Variants in CNTNAP5 observed in about 807,000 individuals in gnomAD.
The protein encoded by CNTNAP5 is contactin-associated protein-like 5.
In CNTNAP5, 72 loss-of-function variants were observed where a neutral mutation model predicts 150.2. The observed-to-expected ratio is 0.48, with a 90% CI of 0.40 to 0.58. The LOEUF is 0.58. Ranked by LOEUF, CNTNAP5 falls within the 20% of genes least tolerant of loss-of-function variation. CNTNAP5 has a pLI of 0.00. For missense variants in CNTNAP5, 1,636 were observed against 1,626.2 expected (o/e 1.01, Z -0.10); for synonymous variants, 672 against 619.8 (o/e 1.08, Z -1.25).
intron 1 of CNTNAP5, among the ~76,000 whole-genome samples, chr2:124,066,804 T>C (rs1682172470): frequency 6.6e-6 from 1 of 152,162 alleles, no homozygotes. Flanking sequence ...ATCATTTTTG[T>C]GCACTGTAAA....
chr2:124,241,675 G>A (rs752591310), intron 2 of CNTNAP5, among the ~76,000 whole-genome samples: 4 of 152,118 alleles, frequency 2.6e-5, no homozygotes, highest in Admixed American at 6.5e-5. Context: ...AGGCATAGTC[G>A]GTGTCCTTTC....
At chr2:124,510,060 G>C (rs1694521689) in intron 8 of CNTNAP5, among the ~76,000 whole-genome samples, 2 of 151,814 alleles carry the variant, frequency 1.3e-5, no homozygotes, top group Non-Finnish European at 2.9e-5. Flanking sequence ...AGTTAGTTGA[G>C]TGTGGTGGCG....
rs1328253418 is a variant in CNTNAP5 at position 124,642,340 on chromosome 2, CT to C, written c.1877-5414del. Among the ~76,000 whole-genome samples the C allele has an allele frequency of 3.9e-5, 6 of 152,220 alleles. No individual in the cohort carries two copies. The South Asian group carries it at 1.2e-3, about 32-fold the overall frequency. ...GTTTTGATCTTTTAACTTGAGACTT[CT>C]TTTCAGTTTGGACTATTACATAATA... On this transcript the variant is annotated intron_variant, in intron 12 of 23. Transcript: ENST00000682447.
chr2:124,578,373 T>A (rs1480045431), intron 11 of CNTNAP5, among the ~76,000 whole-genome samples: 2 of 148,104 alleles, frequency 1.4e-5, no homozygotes, highest in African/African-American at 5.0e-5. Flanking sequence ...GAAAAAAAAC[T>A]GCCCTTGCTT....
chr2:124,263,404 G>C (rs1020197551), intron 3 of CNTNAP5, among the ~76,000 whole-genome samples: 3 of 152,208 alleles, frequency 2.0e-5, no homozygotes, highest in South Asian at 2.1e-4. Flanking sequence ...GGCCAGTGAT[G>C]ATGAGCATTT....
chr2:124,221,333 G>T (rs750272567), intron 1 of CNTNAP5, among the ~76,000 whole-genome samples: 12 of 152,080 alleles, frequency 7.9e-5, no homozygotes, highest in Non-Finnish European at 1.8e-4. Context: ...GCTTCTTATA[G>T]AATAATCTTG....
intron 12 of CNTNAP5, among the ~76,000 whole-genome samples, chr2:124,616,909 G>T (rs938233586): frequency 6.6e-6 from 1 of 152,062 alleles, no homozygotes; most frequent in Non-Finnish European, 1.5e-5. Context: ...TTATATGGGT[G>T]CAGTTCATGA....
Position 124,527,293 on chromosome 2 carries a change from G to A in CNTNAP5, c.1486G>A (p.Asp496Asn), listed in dbSNP as rs539898795. 1.2e-4 allele frequency: 201 copies of A among 1,612,756 alleles called. 1 individual carries two copies. Among genetic ancestry groups the A allele is most frequent in the South Asian group, 1.1e-3 (101 of 90,964 alleles). ...GNSYYFGGCP[D>N]NLTDSQCLNP... ...TTTTCTCTGTCCCACAGGGTGCCCCGACAATCTCACCGATTCCCAATGTTT... is the reference window on the plus strand; with the variant it reads ...TTTTCTCTGTCCCACAGGGTGCCCCAACAATCTCACCGATTCCCAATGTTT... Residue 496 changes from aspartate (D) to asparagine (N), a missense_variant, in exon 10 of 24, where the codon GAC becomes AAC. By Grantham distance (23) the Asp-to-Asn change is conservative. Coordinates refer to ENST00000682447, the MANE Select transcript of CNTNAP5 (RefSeq NM_001367498.1).
chr2:124,114,531 A>T (rs540467981), intron 1 of CNTNAP5, among the ~76,000 whole-genome samples: 16 of 151,960 alleles, frequency 1.1e-4, no homozygotes, highest in African/African-American at 3.9e-4. Context: ...ATTTTATCAC[A>T]TTTTTTGTGT....
chr2:124,775,284 G>T (rs1681296460), intron 17 of CNTNAP5, among the ~76,000 whole-genome samples: 2 of 152,012 alleles, frequency 1.3e-5, no homozygotes, highest in Non-Finnish European at 1.5e-5. Context: ...TAAGCATTTT[G>T]GTGCTTAGTT....
chr2:124,520,146 T>A (rs889768727), intron 8 of CNTNAP5, among the ~76,000 whole-genome samples: 1 of 152,214 alleles, frequency 6.6e-6, no homozygotes, highest in Non-Finnish European at 1.5e-5. Flanking sequence ...GTCCTATTTA[T>A]TTAGAGCTTT....
At chr2:124,525,353 G>A (rs1007265121) in intron 9 of CNTNAP5, among the ~76,000 whole-genome samples, 1 of 152,170 alleles carries the variant, frequency 6.6e-6, no homozygotes, top group Non-Finnish European at 1.5e-5. Flanking sequence ...GAAAAGTTAA[G>A]TACGACCAAG....
At chr2:124,701,953 C>T (rs1679530650) in intron 13 of CNTNAP5, among the ~76,000 whole-genome samples, 1 of 151,790 alleles carries the variant, frequency 6.6e-6, no homozygotes, top group South Asian at 2.1e-4. Context: ...GGAAAATTTT[C>T]AAATATATAT....
chr2:124,722,734 C>A (rs1332070531), intron 13 of CNTNAP5, among the ~76,000 whole-genome samples: 8 of 152,170 alleles, frequency 5.3e-5, no homozygotes, highest in African/African-American at 1.7e-4. Flanking sequence ...GCAGCCTTGA[C>A]CCCTGAGCCT....
chr2:124,463,062 G>A lies in CNTNAP5; in HGVS notation c.919-11677G>A, dbSNP rs540618033. Among the ~76,000 whole-genome samples, 22 of 152,306 alleles carry A rather than the reference G, an allele frequency of 1.4e-4. No homozygotes were observed. The South Asian group carries it at 4.6e-3, about 32-fold the overall frequency. On this transcript the variant is annotated intron_variant, in intron 6 of 23. Transcript: ENST00000682447. ...ATGTCATCTCCCCTGGGCTCATAAG[G>A]CCCTGCCCTTGTGACACAGGATATG...
At chr2:124,209,696 G>T (rs557002144) in intron 1 of CNTNAP5, among the ~76,000 whole-genome samples, 1 of 152,160 alleles carries the variant, frequency 6.6e-6, no homozygotes, top group Non-Finnish European at 1.5e-5. Flanking sequence ...GTAGGAAAGT[G>T]AGTAAGATGG....
chr2:124,816,063 C>CT (rs1682354564), intron 19 of CNTNAP5, among the ~76,000 whole-genome samples: 1 of 152,182 alleles, frequency 6.6e-6, no homozygotes, highest in Non-Finnish European at 1.5e-5. Flanking sequence ...GGGTCTGTGT[C>CT]TTACCGTTAG....
intron 3 of CNTNAP5, among the ~76,000 whole-genome samples, chr2:124,387,964 G>A (rs1251043834): frequency 6.6e-6 from 1 of 152,160 alleles, no homozygotes; most frequent in Non-Finnish European, 1.5e-5. Flanking sequence ...GGGAAAATGG[G>A]ATGGAGACAG....
intron 1 of CNTNAP5, among the ~76,000 whole-genome samples, chr2:124,170,640 T>C (rs1684908541): frequency 1.3e-5 from 2 of 152,320 alleles, no homozygotes; most frequent in Middle Eastern, 3.4e-3. Context: ...GTAAGTGTGA[T>C]AGAGACAGCC....
Sources: allele counts gnomAD v4.1 joint callset (sites outside exome capture counted in the v4.1 genomes callset), GRCh38; gene constraint gnomAD v4.1.1; transcripts MANE v1.5; gene names NCBI Gene and HGNC (gene_info 2026-07-23, HGNC 2026-07-21).